GK: variants seen among roughly 807,000 people sequenced by gnomAD.
The protein encoded by GK is ATP:glycerol 3-phosphotransferase.
A neutral mutation model predicts 56.4 loss-of-function variants in GK; 9 were observed. That is an observed-to-expected ratio of 0.16 (90% CI 0.10 to 0.28). GK has a LOEUF of 0.28. Among genes scored for constraint, GK ranks in the 10% least tolerant of loss-of-function variants. GK has a pLI of 1.00. For synonymous variants in GK, 104 were observed against 144.1 expected (o/e 0.72, Z 1.99); for missense variants, 161 against 431.4 (o/e 0.37, Z 5.55).
At chrX:30,663,457 G>A (rs892029163) in intron 1 of GK, among the ~76,000 whole-genome samples, 1 of 111,405 alleles carries the variant, frequency 9.0e-6, no homozygotes, top group Non-Finnish European at 1.9e-5. Context: ...AAATGGAACT[G>A]GCTTCCTAGA....
At chrX:30,722,710 G>T (rs1213404690) in intron 18 of GK, among the ~76,000 whole-genome samples, 2 of 111,948 alleles carry the variant, frequency 1.8e-5, no homozygotes, top group Admixed American at 1.9e-4. Context: ...CCCTTCAGAA[G>T]ATTAGAGTAT....
intron 11 of GK, among the ~76,000 whole-genome samples, chrX:30,704,593 G>A (rs1223473099): frequency 9.5e-6 from 1 of 105,626 alleles, no homozygotes; most frequent in African/African-American, 3.5e-5. Context: ...TTTTTTTTGA[G>A]ATGGAGTCTC....
intron 6 of GK, 91 bp downstream of exon 6, chrX:30,694,628 T>C: frequency 1.4e-6 from 1 of 733,803 alleles, no homozygotes; most frequent in African/African-American, 2.1e-5. Flanking sequence ...AGGTCAGACT[T>C]TTTAATTAGC....
intron 13 of GK, among the ~76,000 whole-genome samples, chrX:30,713,326 C>T (rs1487202882): frequency 1.8e-5 from 2 of 111,913 alleles, no homozygotes; most frequent in Non-Finnish European, 3.8e-5. Context: ...AGCCATCATG[C>T]TTGTGGCTTC....
intron 18 of GK, 138 bp from the exon 19 acceptor site, chrX:30,723,963 C>CT (rs1280052733): frequency 9.9e-6 from 5 of 504,276 alleles, no homozygotes; most frequent in Non-Finnish European, 1.8e-5. Flanking sequence ...GCTTTCAAAT[C>CT]TGAGTCCTGC....
chrX:30,705,536 A>G (rs763513740), intron 11 of GK, among the ~76,000 whole-genome samples: 1 of 112,283 alleles, frequency 8.9e-6, no homozygotes, highest in South Asian at 3.7e-4. Flanking sequence ...TGGGCTGCTC[A>G]GTCCTGATCT....
chrX:30,705,331 A>G (rs1935941153), intron 11 of GK, among the ~76,000 whole-genome samples: 1 of 112,708 alleles, frequency 8.9e-6, no homozygotes, highest in African/African-American at 3.2e-5. Flanking sequence ...CTTTCAGCTT[A>G]GCTGTATTTT....
chrX:30,663,550 G>A (rs1472622444), intron 1 of GK, among the ~76,000 whole-genome samples: 1 of 111,159 alleles, frequency 9.0e-6, no homozygotes, highest in Non-Finnish European at 1.9e-5. Context: ...ATCACATGGT[G>A]TATGATGTAT....
chrX:30,658,419 A>C (rs1932465485), intron 1 of GK, among the ~76,000 whole-genome samples: 1 of 110,912 alleles, frequency 9.0e-6, no homozygotes, highest in African/African-American at 3.3e-5. Flanking sequence ...AGGTTCAAGC[A>C]ATTCTCCTGC....
chrX:30,653,881 C>T (rs1932040288), intron 1 of GK, among the ~76,000 whole-genome samples: 1 of 112,551 alleles, frequency 8.9e-6, no homozygotes, highest in Non-Finnish European at 1.9e-5. Context: ...GGTGACTCTT[C>T]CCCCAAAGGG....
At position 30,680,761 on chromosome X, in the gene GK, A is replaced by T. The variant is rs142062504; in HGVS notation, c.337+3309A>T. Reference sequence around the variant, plus strand: ...CTGACAGGCTAAGCCACACTTCTGCAGGTCCATAAAGATAAGGAGGCAAAA... The same window carrying T: ...CTGACAGGCTAAGCCACACTTCTGCTGGTCCATAAAGATAAGGAGGCAAAA... On this transcript the variant is annotated intron_variant, in intron 4 of 20. Coordinates refer to ENST00000427190, the MANE Select transcript of GK (RefSeq NM_001205019.2). Among the ~76,000 whole-genome samples, 505 of 111,857 alleles carry T rather than the reference A, an allele frequency of 4.5e-3. 2 individuals are homozygous for T. Among genetic ancestry groups the T allele is most frequent in the African/African-American group, 0.015 (475 of 30,858 alleles).
rs776522368 is a variant in GK at position 30,708,150 on chromosome X, T to C, written c.975+16T>C. ...TGCTTTGGAAGTAAGTTCTTTTTAA[T>C]CAATATGGATAATATGACAAACATT... On this transcript the variant is annotated intron_variant, in intron 13 of 20. Transcript: ENST00000427190. 1.2e-6 allele frequency: 1 copy of C among 821,837 alleles called. No homozygotes were observed. Among genetic ancestry groups the C allele is most frequent in the East Asian group, 3.1e-5 (1 of 31,961 alleles). The allele number at this position is 821,837 out of a possible 1,213,427, so 67.7% of individuals were successfully genotyped here.
chrX:30,704,128 T>TTTTATATATATATATATATATATATATA (rs1555917604), intron 11 of GK, among the ~76,000 whole-genome samples: 1 of 74,936 alleles, frequency 1.3e-5, no homozygotes, highest in African/African-American at 7.1e-5. Flanking sequence ...GTTATTCATT[T>TTTTATATATATATATATATATATATATA]TATATATATA....
At chrX:30,668,811 G>A (rs1204986426) in intron 3 of GK, among the ~76,000 whole-genome samples, 1 of 111,551 alleles carries the variant, frequency 9.0e-6, no homozygotes, top group Admixed American at 9.6e-5. Context: ...AGATGGTAAA[G>A]GCAAAAGTGT....
chrX:30,665,716 C>A, intron 2 of GK, 132 bp downstream of exon 2: 1 of 468,408 alleles, frequency 2.1e-6, no homozygotes, highest in East Asian at 3.8e-5. Flanking sequence ...TGTTATTAGT[C>A]AAGAAAATAT....
chrX:30,682,961 G>A (rs1934359830), intron 4 of GK, among the ~76,000 whole-genome samples: 1 of 110,395 alleles, frequency 9.1e-6, no homozygotes, highest in African/African-American at 3.3e-5. Flanking sequence ...TCTCAATGAG[G>A]GCTCCACCCT....
intron 7 of GK, 128 bp from the exon 8 acceptor site, chrX:30,696,489 T>A: frequency 3.9e-6 from 2 of 511,341 alleles, no homozygotes; most frequent in Non-Finnish European, 6.8e-6. Flanking sequence ...TATTTATTGC[T>A]ATCTAACTCC....
At position 30,675,796 on chromosome X, in the gene GK, AT is replaced by A. The variant is rs1240467287; in HGVS notation, c.260-1568del. ...AGGAACACACCACCACACCTGGCTA[AT>A]TTTTTTTTTTGAGATACAGTCTCCC... On this transcript the variant is annotated intron_variant, in intron 3 of 20. Transcript: ENST00000427190. 4.4e-4 allele frequency among the ~76,000 whole-genome samples: 46 copies of A among 104,800 alleles called. 1 individual carries two copies. Among genetic ancestry groups the A allele is most frequent in the South Asian group, 1.2e-3 (3 of 2,435 alleles). 91.0% of individuals were successfully genotyped at this position (104,800 alleles called of 115,157 possible).
At chrX:30,711,095 T>C (rs1479000646) in intron 13 of GK, among the ~76,000 whole-genome samples, 1 of 103,640 alleles carries the variant, frequency 9.6e-6, no homozygotes, top group African/African-American at 3.5e-5. Flanking sequence ...ACCTTTTTTA[T>C]TCCCACCTAC....
Sources: allele counts gnomAD v4.1 joint callset (sites outside exome capture counted in the v4.1 genomes callset), GRCh38; gene constraint gnomAD v4.1.1; transcripts MANE v1.5; gene names NCBI Gene and HGNC (gene_info 2026-07-23, HGNC 2026-07-21).